The following PXN variants were observed in gnomAD, a reference collection of about 807,000 sequenced individuals.
PXN encodes paxillin.
PXN carries 61 observed loss-of-function variants against 103.6 expected under a neutral mutation model. That is an observed-to-expected ratio of 0.59 (90% CI 0.48 to 0.73). The LOEUF (loss-of-function observed/expected upper bound fraction) is 0.73, where lower values mean the gene tolerates loss of function less well. Among genes scored for constraint, PXN ranks in the 30% least tolerant of loss-of-function variants. PXN has a pLI of 0.00. For missense variants in PXN, 1,274 were observed against 1,460.3 expected, an observed-to-expected ratio of 0.87 and a Z score of 2.08; for synonymous variants, 562 against 607.8, an observed-to-expected ratio of 0.92 and a Z score of 1.11.
At chr12:120,237,173 A>G (rs1366023544) in intron 1 of PXN, among the ~76,000 whole-genome samples, 2 of 151,138 alleles carry the variant, frequency 1.3e-5, no homozygotes, top group African/African-American at 4.9e-5. Context: ...ACACACACAC[A>G]CACACACAGA....
At position 120,216,483 on chromosome 12, in the gene PXN, C is replaced by CA. The variant is rs1438501891; in HGVS notation, c.2090_2091insT (p.Ala698GlyfsTer37). ...TGGGCAGGGGAGAAGAGCTGCTGGCCGCGGCGTCTGTGCGATGCTGGAGCA... is the reference window on the plus strand; with the variant it reads ...TGGGCAGGGGAGAAGAGCTGCTGGCCAGCGGCGTCTGTGCGATGCTGGAGCA... On this transcript the variant is annotated frameshift_variant, in exon 9 of 15. Transcript: ENST00000637617. LOFTEE classifies it high-confidence loss of function. This position sits in a 1 kb window ranked among gnomAD's most constrained non-coding sequence, Gnocchi z 5.1. 2.2e-6 allele frequency: 3 copies of CA among 1,385,248 alleles called. No homozygotes were observed. The African/African-American group carries it at 4.5e-5, about 21-fold the overall frequency. 85.8% of individuals were successfully genotyped at this position (1,385,248 alleles called of 1,614,324 possible).
Position 120,230,909 on chromosome 12 carries a change from G to A in PXN, c.14-6532C>T, listed in dbSNP as rs557161443. ...CTTGAGGGGCCTTCCCTGCCAATTT[G>A]GGTTCTTGTCAACTGTCTCCTCTCC... is the stretch of plus-strand genomic sequence containing the variant. On this transcript the variant is annotated intron_variant, in intron 1 of 14. Coordinates refer to ENST00000637617, the MANE Select transcript of PXN (RefSeq NM_001385981.1). Among the ~76,000 whole-genome samples the A allele has an allele frequency of 4.6e-5, 7 of 152,190 alleles. No individual in the cohort carries two copies. In the East Asian group the frequency reaches 1.4e-3, roughly 29 times the overall value.
chr12:120,253,496 A>T (rs1412779935), intron 1 of PXN, among the ~76,000 whole-genome samples: 1 of 152,180 alleles, frequency 6.6e-6, no homozygotes, highest in South Asian at 2.1e-4. Context: ...AAGAAAAAGA[A>T]AAAAGAGACC....
Position 120,212,452 on chromosome 12 carries a change from G to A in PXN, c.3108C>T (p.Cys1036=), listed in dbSNP as rs1880477740. Reference sequence around the variant, plus strand: ...GGAACTTCTTGGCCATGGCGGTGATGCAGCGGCCGGTGATGGGCTTCTGGC... The same window carrying A: ...GGAACTTCTTGGCCATGGCGGTGATACAGCGGCCGGTGATGGGCTTCTGGC... ...SGCQKPITGR[C]ITAMAKKFHP... is the part of the protein sequence containing the mutation. The change falls in exon 15 of 15, where the codon TGC becomes TGT. Residue 1036 remains cysteine (C), a synonymous_variant. Coordinates refer to ENST00000637617, the MANE Select transcript of PXN (RefSeq NM_001385981.1). This position sits in a 1 kb window ranked among gnomAD's most constrained non-coding sequence, Gnocchi z 7.2. The A allele has an allele frequency of 6.2e-7, 1 of 1,613,902 alleles. No individual in the cohort carries two copies. Among genetic ancestry groups the A allele is most frequent in the African/African-American group, 1.3e-5 (1 of 74,934 alleles).
Position 120,216,617 on chromosome 12 carries a change from A to C in PXN, c.1993-36T>G. 3.3e-6 allele frequency: 5 copies of C among 1,508,570 alleles called. No homozygotes were observed. Among genetic ancestry groups the C allele is most frequent in the Non-Finnish European group, 4.4e-6 (5 of 1,144,958 alleles). 93.4% of individuals were successfully genotyped at this position (1,508,570 alleles called of 1,614,324 possible). A position where few individuals can be genotyped will look rare whatever the true frequency, so the allele number is the denominator to read the frequency against. ...GAAAGGAGGGAGAGCGATGAGGAAG[A>C]AATCGCCAGCTCAGCCCACAGGGGT... On this transcript the variant is annotated intron_variant, in intron 8 of 14. Coordinates refer to ENST00000637617, the MANE Select transcript of PXN (RefSeq NM_001385981.1). This position sits in a 1 kb window ranked among gnomAD's most constrained non-coding sequence, Gnocchi z 5.1.
At chr12:120,253,359 G>A (rs1892507492) in intron 1 of PXN, among the ~76,000 whole-genome samples, 1 of 151,964 alleles carries the variant, frequency 6.6e-6, no homozygotes, top group Non-Finnish European at 1.5e-5. Flanking sequence ...TGTAGTCTCA[G>A]CTACTCAGGA....
intron 1 of PXN, among the ~76,000 whole-genome samples, chr12:120,235,828 C>A (rs2136453582): frequency 6.6e-6 from 1 of 152,320 alleles, no homozygotes; most frequent in South Asian, 2.1e-4. Context: ...GTGTTTTCCC[C>A]CTGTGCTACG....
chr12:120,239,317 C>T (rs1249098933), intron 1 of PXN, among the ~76,000 whole-genome samples: 1 of 151,772 alleles, frequency 6.6e-6, no homozygotes, highest in Non-Finnish European at 1.5e-5. Context: ...GGCGGGGTGG[C>T]TCACGCCTAT....
chr12:120,227,895 C>T (rs1887221445), intron 1 of PXN, among the ~76,000 whole-genome samples: 1 of 152,184 alleles, frequency 6.6e-6, no homozygotes, highest in Non-Finnish European at 1.5e-5. Flanking sequence ...CAGCAAACGT[C>T]CCCCCTGGCT....
intron 1 of PXN, among the ~76,000 whole-genome samples, chr12:120,259,208 A>G (rs938328252): frequency 6.6e-6 from 1 of 152,164 alleles, no homozygotes; most frequent in African/African-American, 2.4e-5. Flanking sequence ...CCTAAACAAT[A>G]TGGTGAAACC....
rs1291489802 is a variant in PXN at position 120,242,172 on chromosome 12, A to G, written c.14-17795T>C. Among the ~76,000 whole-genome samples, 6 of 152,124 alleles carry G rather than the reference A, an allele frequency of 3.9e-5. No homozygotes were observed. In the East Asian group the frequency reaches 1.2e-3, roughly 29 times the overall value. On this transcript the variant is annotated intron_variant, in intron 1 of 14. Coordinates refer to ENST00000637617, the MANE Select transcript of PXN (RefSeq NM_001385981.1). ...ACGTTTTTCTCTGGCCAAGGCACCT[A>G]TCTAAGTAACAGTTTGTTAAATTAT...
chr12:120,212,380 C>G lies in PXN; in HGVS notation c.3180G>C (p.Lys1060Asn). ...TGTCGTTCTGCTCCTTGAAGGTGCC[C>G]TTGTTGAGCTGCTTGAGGCAGAAGG... ...VCAFCLKQLN[K>N]GTFKEQNDKP... The change falls in exon 15 of 15, where the codon AAG becomes AAC. Residue 1060 changes from lysine to asparagine, a missense_variant. Physicochemically the swap from Lys to Asn is moderately conservative, Grantham distance 94. This residue lies in a region of PXN where 96 missense variants were observed against 151.3 expected (regional missense o/e 0.63). Coordinates refer to ENST00000637617, the MANE Select transcript of PXN (RefSeq NM_001385981.1). The surrounding 1 kb of genome is among the most constrained non-coding windows in gnomAD (Gnocchi z 7.2). 6.2e-7 allele frequency: 1 copy of G among 1,613,964 alleles called. No homozygotes were observed. Among genetic ancestry groups the G allele is most frequent in the East Asian group, 2.2e-5 (1 of 44,872 alleles).
Position 120,210,635 on chromosome 12 carries a change from G to A in PXN, c.*1679C>T, listed in dbSNP as rs1301647025. 6.6e-6 allele frequency: 1 copy of A among 152,436 alleles called. No homozygotes were observed. Among genetic ancestry groups the A allele is most frequent in the Non-Finnish European group, 1.5e-5 (1 of 68,104 alleles). 9.4% of individuals were successfully genotyped at this position (152,436 alleles called of 1,614,324 possible). Reference sequence around the variant, plus strand: ...TAGGGTGGGTCACTATAAACAGAGCGGTAAGGCCTGCGGGTGAAAGTGGAG... The same window carrying A: ...TAGGGTGGGTCACTATAAACAGAGCAGTAAGGCCTGCGGGTGAAAGTGGAG... On this transcript the variant is annotated 3_prime_UTR_variant, in exon 15 of 15. Coordinates refer to ENST00000637617, the MANE Select transcript of PXN (RefSeq NM_001385981.1).
chr12:120,232,195 CT>C (rs1417140679), intron 1 of PXN, among the ~76,000 whole-genome samples: 1 of 152,114 alleles, frequency 6.6e-6, no homozygotes, highest in Non-Finnish European at 1.5e-5. Flanking sequence ...CTTTTAAAAA[CT>C]TTTTTGTAGA....
intron 1 of PXN, among the ~76,000 whole-genome samples, chr12:120,255,811 C>T (rs991829688): frequency 2.6e-5 from 4 of 151,720 alleles, no homozygotes; most frequent in South Asian, 2.1e-4. Flanking sequence ...TTTGGGAGGC[C>T]GAGGTGGGCG....
chr12:120,224,134 C>T lies in PXN; in HGVS notation c.240+17G>A. The T allele has an allele frequency of 6.6e-7, 1 of 1,524,254 alleles. No homozygotes were observed. The highest frequency in any genetic ancestry group is 8.9e-7 in the Non-Finnish European group (1 of 1,128,146). 94.4% of individuals were successfully genotyped at this position (1,524,254 alleles called of 1,614,324 possible). ...CCCCAGCCTCCTTGGCCTTCCCAGC[C>T]ACTGTCCCCGCCTCACCTGCTGGTG... On this transcript the variant is annotated intron_variant, in intron 2 of 14. Transcript: ENST00000637617. The surrounding 1 kb of genome is among the most constrained non-coding windows in gnomAD (Gnocchi z 5.0).
rs754768562 is a variant in PXN at position 120,224,340 on chromosome 12, G to A, written c.51C>T (p.His17=). Residue 17 remains histidine, a synonymous_variant, in exon 2 of 15, where the codon CAC becomes CAT. Coordinates refer to ENST00000637617, the MANE Select transcript of PXN (RefSeq NM_001385981.1). This position sits in a 1 kb window ranked among gnomAD's most constrained non-coding sequence, Gnocchi z 5.0. ...LLADLESTTS[H]ISKRPVFLSE... is the part of the protein sequence containing the mutation. ...ACAAGAACACAGGCCGTTTGGAGATGTGGGAGGTGGTAGACTCCAAGTCCG... is the reference window on the plus strand; with the variant it reads ...ACAAGAACACAGGCCGTTTGGAGATATGGGAGGTGGTAGACTCCAAGTCCG... 6.2e-7 allele frequency: 1 copy of A among 1,614,022 alleles called. No individual in the cohort carries two copies. Among genetic ancestry groups the A allele is most frequent in the South Asian group, 1.1e-5 (1 of 91,090 alleles).
At position 120,215,682 on chromosome 12, in the gene PXN, AG is replaced by A; in HGVS notation, c.2302-22del. 1 of 1,580,470 alleles carries A rather than the reference AG, an allele frequency of 6.3e-7. No homozygotes were observed. The highest frequency in any genetic ancestry group is 1.7e-4 in the Middle Eastern group (1 of 5,870). On this transcript the variant is annotated intron_variant, in intron 9 of 14. Transcript: ENST00000637617. The surrounding 1 kb of genome is among the most constrained non-coding windows in gnomAD (Gnocchi z 4.9). ...TGGATCTTAGATAGGGGAAGAGATG[AG>A]GGTAAGAAATCTTTTTTAAAAATTA... is the stretch of plus-strand genomic sequence containing the variant.
At chr12:120,259,387 G>A (rs948252926) in intron 1 of PXN, among the ~76,000 whole-genome samples, 4 of 152,054 alleles carry the variant, frequency 2.6e-5, no homozygotes, top group African/African-American at 9.7e-5. Context: ...GCAAGACTCT[G>A]CCTCAAAAAT....
Sources: allele counts gnomAD v4.1 joint callset (sites outside exome capture counted in the v4.1 genomes callset), GRCh38; gene constraint gnomAD v4.1.1; regional missense constraint gnomAD v4.1.1; non-coding constraint Gnocchi (gnomAD v3.1); transcripts MANE v1.5; gene names NCBI Gene and HGNC (gene_info 2026-07-23, HGNC 2026-07-21).